The following RESP18 variants were observed in gnomAD, a reference collection of about 807,000 sequenced individuals.
The protein encoded by RESP18 is regulated endocrine specific protein 18, also known as regulated endocrine-specific protein 18.
Under a neutral mutation model 30.0 loss-of-function variants are expected in RESP18, and 30 were observed. That is an observed-to-expected ratio of 1.00 (90% CI 0.75 to 1.36). The LOEUF (loss-of-function observed/expected upper bound fraction) is 1.36, where lower values mean the gene tolerates loss of function less well. RESP18 is among the 40% of genes most tolerant of loss of function. The pLI, the probability that RESP18 is intolerant of heterozygous loss-of-function variation, is 0.00. For missense variants in RESP18, 320 were observed against 284.2 expected, an observed-to-expected ratio of 1.13 and a Z score of -0.91; for synonymous variants, 117 against 111.2, an observed-to-expected ratio of 1.05 and a Z score of -0.33.
intron 2 of RESP18, among the ~76,000 whole-genome samples, chr2:219,331,942 CA>C (rs1466613719): frequency 6.6e-6 from 1 of 152,246 alleles, no homozygotes; most frequent in Non-Finnish European, 1.5e-5. Flanking sequence ...GAGGGGGCGA[CA>C]GACTAGGAGT....
At position 219,327,461 on chromosome 2, in the gene RESP18, C is replaced by T; in HGVS notation, c.*56G>A. 6.8e-7 allele frequency: 1 copy of T among 1,475,500 alleles called. No individual in the cohort carries two copies. Among genetic ancestry groups the T allele is most frequent in the Non-Finnish European group, 9.3e-7 (1 of 1,077,798 alleles). The allele number at this position is 1,475,500 out of a possible 1,614,324, so 91.4% of individuals were successfully genotyped here. A position where few individuals can be genotyped will look rare whatever the true frequency, so the allele number is the denominator to read the frequency against. On this transcript the variant is annotated 3_prime_UTR_variant, in exon 7 of 7. Transcript: ENST00000333527. ...AATCTGGGTCATCCAAGAACTGCTC[C>T]TCTGAAGGGCAATGGGAAGGGTGCT... is the stretch of plus-strand genomic sequence containing the variant.
rs983650542 is a variant in RESP18 at position 219,332,877 on chromosome 2, G to T, written c.18-139C>A. The T allele has an allele frequency of 7.9e-6, 6 of 764,028 alleles. No individual in the cohort carries two copies. The South Asian group carries it at 1.2e-4, about 15-fold the overall frequency. 47.3% of individuals were successfully genotyped at this position (764,028 alleles called of 1,614,324 possible). A position where few individuals can be genotyped will look rare whatever the true frequency, so the allele number is the denominator to read the frequency against. ...CCCGGCTCCTTTCGGGCATTAGCTG[G>T]GTCCCAAGAACCACCGCCTGTACTC... is the stretch of plus-strand genomic sequence containing the variant. On this transcript the variant is annotated intron_variant, in intron 1 of 6. Transcript: ENST00000333527.
chr2:219,330,496 C>G (rs1471312853), intron 3 of RESP18, among the ~76,000 whole-genome samples: 1 of 150,782 alleles, frequency 6.6e-6, no homozygotes, highest in Non-Finnish European at 1.5e-5. Context: ...TGGGGGGAGA[C>G]TAGTCTCAAG....
rs761177610 is a variant in RESP18, at chr2:219,332,717, C to T, written c.39G>A (p.Trp13Ter). ...AGGGGCTGAGCGGGGCTGCAGCTTCCCACCAGCCCGCGACTCCGAATCTGT... is the reference window on the plus strand; with the variant it reads ...AGGGGCTGAGCGGGGCTGCAGCTTCTCACCAGCCCGCGACTCCGAATCTGT... Residue 13 changes from tryptophan (W) to a stop codon, truncating the protein, a stop_gained, in exon 2 of 7, where the codon TGG becomes TGA. Transcript: ENST00000333527. LOFTEE classifies it high-confidence loss of function. 5.8e-6 allele frequency: 9 copies of T among 1,546,894 alleles called. No individual in the cohort carries two copies. Among genetic ancestry groups the T allele is most frequent in the Admixed American group, 2.0e-5 (1 of 50,802 alleles).
chr2:219,332,587 G>C lies in RESP18; in HGVS notation c.169C>G (p.Leu57Val). The change falls in exon 2 of 7, where the codon CTG becomes GTG. Residue 57 changes from leucine to valine, a missense_variant. Coordinates refer to ENST00000333527, the MANE Select transcript of RESP18 (RefSeq NM_001007089.4). ...TTCAGCAGCAGGAAGCAGACAAGCA[G>C]CTGGAGCCCCTCGGAGCTCCCAGGC... The C allele has an allele frequency of 6.4e-7, 1 of 1,551,436 alleles. No individual in the cohort carries two copies. The highest frequency in any genetic ancestry group is 8.7e-7 in the Non-Finnish European group (1 of 1,146,976).
At chr2:219,330,177 C>T (rs182448494) in intron 3 of RESP18, among the ~76,000 whole-genome samples, 44 of 152,274 alleles carry the variant, frequency 2.9e-4, no homozygotes, top group Middle Eastern at 3.4e-3. Context: ...AGTTCCCTGG[C>T]GAGGTTGATG....
chr2:219,328,814 T>C lies in RESP18; in HGVS notation c.640+110A>G. ...GTCTCTGAGCTGCACCTCCCATTCATCAAGGGAGTGTTGCTATCATGTGCT... is the reference window on the plus strand; with the variant it reads ...GTCTCTGAGCTGCACCTCCCATTCACCAAGGGAGTGTTGCTATCATGTGCT... On this transcript the variant is annotated intron_variant, in intron 6 of 6. Transcript: ENST00000333527. The C allele has an allele frequency of 7.4e-6, 5 of 676,456 alleles. No individual in the cohort carries two copies. The South Asian group carries it at 9.2e-5, about 12-fold the overall frequency. 41.9% of individuals were successfully genotyped at this position (676,456 alleles called of 1,614,324 possible). A position where few individuals can be genotyped will look rare whatever the true frequency, so the allele number is the denominator to read the frequency against.
chr2:219,329,939 A>G (rs2125107673), intron 3 of RESP18, among the ~76,000 whole-genome samples, 175 bp from the exon 3 acceptor site: 1 of 152,332 alleles, frequency 6.6e-6, no homozygotes, highest in East Asian at 1.9e-4. Flanking sequence ...TCAAATTAGG[A>G]TTATGATTAC....
chr2:219,329,312 G>A, intron 4 of RESP18, 60 bp from the exon 4 acceptor site: 1 of 1,551,722 alleles, frequency 6.4e-7, no homozygotes, highest in Non-Finnish European at 8.7e-7. Context: ...GGGCCCCACA[G>A]GAAAAGCAAT....
chr2:219,332,403 C>T, intron 2 of RESP18, 121 bp downstream of exon 1: 1 of 726,366 alleles, frequency 1.4e-6, no homozygotes, highest in Admixed American at 2.8e-5. Flanking sequence ...TTTTTCTCTT[C>T]TCACGTCCTT....
In RESP18 at chr2:219,329,698, A is replaced by T. The variant is rs759042362; in HGVS notation, c.404T>A (p.Leu135Gln). 1 of 1,551,558 alleles carries T rather than the reference A, an allele frequency of 6.4e-7. No individual in the cohort carries two copies. Among genetic ancestry groups the T allele is most frequent in the East Asian group, 2.4e-5 (1 of 40,932 alleles). The change falls in exon 4 of 7, where the codon CTG (leucine) becomes CAG (glutamine). Residue 135 changes from leucine (L) to glutamine (Q), a missense_variant. By Grantham distance (113) the Leu-to-Gln change is moderately radical (BLOSUM62 -2). Transcript: ENST00000333527. ...CTTCAGGCATGGTTCTTGGGGATGC[A>T]GTCTGCTGGCATGCTCCATCTTTTG... is the stretch of plus-strand genomic sequence containing the variant.
rs1952785545 is a variant in RESP18 at position 219,327,445 on chromosome 2, C to A, written c.*72G>T. ...CTACTTTAATGATTCAAATCTGGGT[C>A]ATCCAAGAACTGCTCCTCTGAAGGG... On this transcript the variant is annotated 3_prime_UTR_variant, in exon 7 of 7. Coordinates refer to ENST00000333527, the MANE Select transcript of RESP18 (RefSeq NM_001007089.4). The A allele has an allele frequency of 3.0e-6, 4 of 1,319,022 alleles. No individual in the cohort carries two copies. The highest frequency in any genetic ancestry group is 2.9e-5 in the African/African-American group (2 of 68,578). The allele number at this position is 1,319,022 out of a possible 1,614,324, so 81.7% of individuals were successfully genotyped here.
chr2:219,327,656 G>A, intron 6 of RESP18, 93 bp from the exon 6 acceptor site: 1 of 1,102,002 alleles, frequency 9.1e-7, no homozygotes, highest in Non-Finnish European at 1.4e-6. Context: ...TGTAGTAACA[G>A]CCTGATTTGA....
intron 4 of RESP18, 101 bp from the exon 4 acceptor site, chr2:219,329,353 G>C: frequency 6.4e-7 from 1 of 1,551,750 alleles, no homozygotes; most frequent in East Asian, 2.4e-5. Context: ...CACAATTCTT[G>C]AGAAGATACG....
rs575765789 is a variant in RESP18 at position 219,332,046 on chromosome 2, G to A, written c.232+478C>T. ...GCGCGGGGTCTACGCGGATTGGTGC[G>A]GGGGAAGGGGAGAAGGATGGTCCCA... On this transcript the variant is annotated intron_variant, in intron 2 of 6. Transcript: ENST00000333527. Among the ~76,000 whole-genome samples, 7 of 152,238 alleles carry A rather than the reference G, an allele frequency of 4.6e-5. No homozygotes were observed. The South Asian group carries it at 1.2e-3, about 27-fold the overall frequency.
chr2:219,333,057 G>C (rs980693151), intron 1 of RESP18: 1 of 1,025,390 alleles, frequency 9.8e-7, no homozygotes, highest in African/African-American at 1.6e-5. Context: ...TCTTTACTCT[G>C]GCCCACTTAA....
At chr2:219,327,676 C>A in intron 6 of RESP18, 113 bp from the exon 6 acceptor site, 1 of 898,708 alleles carries the variant, frequency 1.1e-6, no homozygotes, top group Non-Finnish European at 1.8e-6. Context: ...AGTAACCCTT[C>A]AGCATGGTGA....
At position 219,332,749 on chromosome 2, in the gene RESP18, C is replaced by T; in HGVS notation, c.18-11G>A. 1 of 1,527,088 alleles carries T rather than the reference C, an allele frequency of 6.5e-7. No individual in the cohort carries two copies. Among genetic ancestry groups the T allele is most frequent in the South Asian group, 1.2e-5 (1 of 81,976 alleles). The allele number at this position is 1,527,088 out of a possible 1,614,324, so 94.6% of individuals were successfully genotyped here. On this transcript the variant is annotated splice_polypyrimidine_tract_variant and intron_variant, in intron 1 of 6. Transcript: ENST00000333527. ...CCCGCGACTCCGAATCTGTTTAACC[C>T]TCCTCGGCAGTTCAGCCAATCGTGA...
At position 219,329,705 on chromosome 2, in the gene RESP18, T is replaced by G; in HGVS notation, c.397A>C (p.Ser133Arg). 6.4e-7 allele frequency: 1 copy of G among 1,551,704 alleles called. No individual in the cohort carries two copies. Among genetic ancestry groups the G allele is most frequent in the Non-Finnish European group, 8.7e-7 (1 of 1,146,988 alleles). Residue 133 changes from serine (S) to arginine (R), a missense_variant, in exon 4 of 7, where the codon AGC (serine) becomes CGC (arginine). By Grantham distance (110) the Ser-to-Arg change is moderately radical (BLOSUM62 -1). Transcript: ENST00000333527. Reference sequence around the variant, plus strand: ...CATGGTTCTTGGGGATGCAGTCTGCTGGCATGCTCCATCTTTTGGATCATT... The same window carrying G: ...CATGGTTCTTGGGGATGCAGTCTGCGGGCATGCTCCATCTTTTGGATCATT...
Sources: gnomAD v4.1 joint callset for allele counts (sites outside exome capture counted in the v4.1 genomes callset) on GRCh38, gnomAD v4.1.1 for gene constraint, MANE v1.5 for transcripts, NCBI Gene and HGNC (gene_info 2026-07-23, HGNC 2026-07-21) for gene names.